The following TRIP12 variants were observed in gnomAD, a reference collection of about 807,000 sequenced individuals.
The protein encoded by TRIP12 is E3 ubiquitin-protein ligase TRIP12.
TRIP12 carries 25 observed loss-of-function variants against 244.2 expected under a neutral mutation model. The observed-to-expected ratio is 0.10, with a 90% CI of 0.07 to 0.14. The LOEUF is 0.14. Ranked by LOEUF, TRIP12 falls within the 10% of genes least tolerant of loss-of-function variation. The probability of loss-of-function intolerance (pLI) is 1.00; values close to 1 mark genes in which losing one functional copy is unlikely to be tolerated. For synonymous variants in TRIP12, 905 were observed against 873.1 expected (o/e 1.04, Z -0.64); for missense variants, 1,677 against 2,486.4 (o/e 0.67, Z 6.92).
At chr2:229,909,630 G>C (rs1228242743) in intron 1 of TRIP12, among the ~76,000 whole-genome samples, 2 of 151,554 alleles carry the variant, frequency 1.3e-5, no homozygotes, top group Non-Finnish European at 2.9e-5. Flanking sequence ...GAGGCAGGAG[G>C]ACTGCATGAG....
At position 229,777,411 on chromosome 2, in the gene TRIP12, G is replaced by C. The variant is rs1401778783; in HGVS notation, c.5433C>G (p.His1811Gln). Residue 1811 changes from histidine (H) to glutamine (Q), a missense_variant, in exon 37 of 42, where the codon CAC becomes CAG. Around this residue, in one of 11 missense-constraint regions of TRIP12, gnomAD observed 171 missense variants for 388.4 expected, o/e 0.44. Coordinates refer to ENST00000675903, the MANE Select transcript of TRIP12 (RefSeq NM_001348323.3). ...CAACTGGGTCGATGTCAAACAAATC[G>C]TGTGATGTCAGTGAAGTTTCTTGCC... ...MLRQETSLTS[H>Q]DLFDIDPVVA... The C allele has an allele frequency of 6.2e-7, 1 of 1,613,778 alleles. No homozygotes were observed. Among genetic ancestry groups the C allele is most frequent in the Non-Finnish European group, 8.5e-7 (1 of 1,179,882 alleles).
chr2:229,769,937 A>T (rs561439734), intron 39 of TRIP12, among the ~76,000 whole-genome samples: 1 of 152,186 alleles, frequency 6.6e-6, no homozygotes, highest in Non-Finnish European at 1.5e-5. Context: ...TTTGAGGCCA[A>T]TGAAATTTAA....
chr2:229,778,748 T>C lies in TRIP12; in HGVS notation c.5209+128A>G, dbSNP rs1007954874. ...GGACAGGCCTTCCCTATTTGATAAA[T>C]GAGAAAACAGAGGCTAAAAGAAAGC... is the stretch of plus-strand genomic sequence containing the variant. On this transcript the variant is annotated intron_variant, in intron 35 of 41. Transcript: ENST00000675903. The surrounding 1 kb of genome is among the most constrained non-coding windows in gnomAD (Gnocchi z 4.1). The C allele has an allele frequency of 6.7e-6, 9 of 1,336,488 alleles. No individual in the cohort carries two copies. The African/African-American group carries it at 1.2e-4, about 17-fold the overall frequency. 82.8% of individuals were successfully genotyped at this position (1,336,488 alleles called of 1,614,324 possible).
intron 8 of TRIP12, among the ~76,000 whole-genome samples, chr2:229,827,687 G>T (rs2052102658): frequency 6.6e-6 from 1 of 152,146 alleles, no homozygotes; most frequent in Non-Finnish European, 1.5e-5. Context: ...ACTACTGAGG[G>T]TTACAGTTAA....
intron 34 of TRIP12, among the ~76,000 whole-genome samples, chr2:229,780,576 T>A (rs900845340): frequency 5.3e-5 from 8 of 152,132 alleles, no homozygotes; most frequent in African/African-American, 1.9e-4. Flanking sequence ...TCTCTCTGAC[T>A]CCTACTACTC....
At chr2:229,859,786 A>C (rs2060170330) in intron 3 of TRIP12, among the ~76,000 whole-genome samples, 1 of 152,250 alleles carries the variant, frequency 6.6e-6, no homozygotes, top group Admixed American at 6.5e-5. Flanking sequence ...TTAAAAGATA[A>C]GGGTGTTCTT....
chr2:229,847,582 G>A (rs570539785), intron 4 of TRIP12, among the ~76,000 whole-genome samples: 1 of 152,332 alleles, frequency 6.6e-6, no homozygotes, highest in African/African-American at 2.4e-5. Flanking sequence ...ATGAAAACCA[G>A]AAATGCCGGG....
intron 17 of TRIP12, chr2:229,807,247 T>C (rs1254113995): frequency 3.6e-5 from 6 of 167,464 alleles, no homozygotes; most frequent in Non-Finnish European, 3.9e-5. Context: ...CTGGATAACA[T>C]ACAAGCCTAC....
chr2:229,768,528 A>C, intron 41 of TRIP12, 88 bp downstream of exon 41: 1 of 1,214,388 alleles, frequency 8.2e-7, no homozygotes, highest in Non-Finnish European at 1.2e-6. Flanking sequence ...AAGTGAGATA[A>C]AGAATCTCCT....
At chr2:229,793,547 CTCTT>C (rs1224858488) in intron 26 of TRIP12, among the ~76,000 whole-genome samples, 2 of 151,744 alleles carry the variant, frequency 1.3e-5, no homozygotes, top group Admixed American at 6.6e-5. Flanking sequence ...AAAAAAAAAA[CTCTT>C]TATTTCAAAG....
chr2:229,874,505 T>TCTC (rs2154349306), intron 2 of TRIP12, among the ~76,000 whole-genome samples: 1 of 152,278 alleles, frequency 6.6e-6, no homozygotes, highest in East Asian at 1.9e-4. Flanking sequence ...GGAAAAAACC[T>TCTC]AGAGGCCCAA....
In TRIP12 at chr2:229,795,343, A is replaced by G; in HGVS notation, c.3817-13T>C. On this transcript the variant is annotated splice_polypyrimidine_tract_variant and intron_variant, in intron 25 of 41. Transcript: ENST00000675903. ...CTTCTCCAGGAAGCTAAAGTTATAA[A>G]TAAACAAACAGGTTAAACAAAGCCT... The G allele has an allele frequency of 6.2e-7, 1 of 1,609,584 alleles. No homozygotes were observed. Among genetic ancestry groups the G allele is most frequent in the Non-Finnish European group, 8.5e-7 (1 of 1,177,890 alleles).
intron 1 of TRIP12, among the ~76,000 whole-genome samples, chr2:229,906,965 C>A (rs1401685301): frequency 6.6e-6 from 1 of 152,100 alleles, no homozygotes; most frequent in Non-Finnish European, 1.5e-5. Context: ...AGTGATAAAA[C>A]ACCTGAACCT....
At position 229,802,341 on chromosome 2, in the gene TRIP12, T is replaced by C. The variant is rs148737326; in HGVS notation, c.3117A>G (p.Thr1039=). 80 of 1,613,668 alleles carry C rather than the reference T, an allele frequency of 5.0e-5. No homozygotes were observed. Among genetic ancestry groups the C allele is most frequent in the Non-Finnish European group, 6.4e-5 (76 of 1,179,910 alleles). Reference sequence around the variant, plus strand: ...CTGCAGCATGAGTGGCAGCTGTGGCTGTCCCACTGCTGACTGAAGTTGTGG... The same window carrying C: ...CTGCAGCATGAGTGGCAGCTGTGGCCGTCCCACTGCTGACTGAAGTTGTGG... The part of the protein sequence containing the change: ...MGSTTSVSSG[T]ATAATHAAAD... The change falls in exon 21 of 42, where the codon ACA becomes ACG. Residue 1039 remains threonine (T), a synonymous_variant. Coordinates refer to ENST00000675903, the MANE Select transcript of TRIP12 (RefSeq NM_001348323.3).
chr2:229,780,288 T>C (rs1238243702), intron 34 of TRIP12, among the ~76,000 whole-genome samples: 2 of 152,140 alleles, frequency 1.3e-5, no homozygotes, highest in Non-Finnish European at 2.9e-5. Context: ...TCAGAGTAAA[T>C]ACAATAAGCG....
At chr2:229,768,412 G>A (rs2032751131) in intron 41 of TRIP12, among the ~76,000 whole-genome samples, 1 of 152,220 alleles carries the variant, frequency 6.6e-6, no homozygotes, top group African/African-American at 2.4e-5. Context: ...AGCATTACAT[G>A]TGCATTAGTA....
At chr2:229,836,430 AATATAAATAC>A (rs992963504) in intron 6 of TRIP12, among the ~76,000 whole-genome samples, 27 of 152,226 alleles carry the variant, frequency 1.8e-4, no homozygotes, top group African/African-American at 6.5e-4. Context: ...AGCCCATAAC[AATATAAATAC>A]TATTCTTACA....
At chr2:229,907,969 C>CA (rs879490412) in intron 1 of TRIP12, among the ~76,000 whole-genome samples, 1,825 of 137,294 alleles carry the variant, frequency 0.013, 17 homozygotes, top group Middle Eastern at 0.028. Flanking sequence ...GAACTAGTGT[C>CA]AAAAAAAAAA....
Position 229,815,283 on chromosome 2 carries a change from T to C in TRIP12, c.1625A>G (p.Asn542Ser). The change falls in exon 10 of 42, where the codon AAT becomes AGT. Residue 542 changes from asparagine (N) to serine (S), a missense_variant. By Grantham distance (46) the Asn-to-Ser change is conservative (BLOSUM62 1). Around this residue, in one of 11 missense-constraint regions of TRIP12, gnomAD observed 572 missense variants for 867.8 expected, o/e 0.66. Transcript: ENST00000675903. ...ACAATATATACTTACAATATCAAAA[T>C]TGTGCTCCATCTGAAGTAACGTAAT... ...ALITLLQMEH[N>S]FDIMNHACRA... 6.7e-7 allele frequency: 1 copy of C among 1,482,232 alleles called. No homozygotes were observed. Among genetic ancestry groups the C allele is most frequent in the Non-Finnish European group, 9.4e-7 (1 of 1,068,364 alleles). 91.8% of individuals were successfully genotyped at this position (1,482,232 alleles called of 1,614,324 possible).
Sources: gnomAD v4.1 joint callset for allele counts (sites outside exome capture counted in the v4.1 genomes callset) on GRCh38, gnomAD v4.1.1 for gene constraint, gnomAD v4.1.1 regional missense constraint, Gnocchi (gnomAD v3.1) non-coding constraint, MANE v1.5 for transcripts, NCBI Gene and HGNC (gene_info 2026-07-23, HGNC 2026-07-21) for gene names.